Variants in TIMM23B observed in about 807,000 individuals in gnomAD.
TIMM23B encodes translocase of inner mitochondrial membrane 23 homolog B, also known as mitochondrial import inner membrane translocase subunit Tim23B.
In TIMM23B, 27 loss-of-function variants were observed where a neutral mutation model predicts 27.3. That is an observed-to-expected ratio of 0.99 (90% CI 0.73 to 1.36). TIMM23B has a LOEUF of 1.36. Ranked by LOEUF, TIMM23B falls within the 40% of genes most tolerant of loss-of-function variation. The pLI is 0.00. For missense variants in TIMM23B, 205 were observed against 244.2 expected, an observed-to-expected ratio of 0.84 and a Z score of 1.07; for synonymous variants, 73 against 92.4, an observed-to-expected ratio of 0.79 and a Z score of 1.21.
chr10:49,950,200 C>CTTTTTTTT (rs1169522720), intron 2 of TIMM23B, among the ~76,000 whole-genome samples: 1 of 117,984 alleles, frequency 8.5e-6, no homozygotes, highest in African/African-American at 3.1e-5. Context: ...AAAGTTTTTT[C>CTTTTTTTT]TTTTTTTTTT....
intron 6 of TIMM23B, among the ~76,000 whole-genome samples, chr10:49,966,014 C>T (rs1840131702): frequency 6.9e-6 from 1 of 145,336 alleles, no homozygotes. Flanking sequence ...ATGCCAGATG[C>T]AGTGGCGCAC....
intron 6 of TIMM23B, among the ~76,000 whole-genome samples, chr10:49,964,947 G>A (rs1346429304): frequency 6.6e-6 from 1 of 152,052 alleles, no homozygotes; most frequent in African/African-American, 2.4e-5. Context: ...AATACTGGGT[G>A]CAGTGGCTCA....
intron 6 of TIMM23B, among the ~76,000 whole-genome samples, chr10:49,959,223 A>C (rs1345411866): frequency 2.0e-5 from 3 of 152,096 alleles, no homozygotes; most frequent in Non-Finnish European, 2.9e-5. Context: ...TAGTTTTTTT[A>C]ATCTTGGACA....
rs4935235 is a variant in TIMM23B, at chr10:49,957,916, A to G, written c.404-454A>G. On this transcript the variant is annotated intron_variant, in intron 5 of 6. Transcript: ENST00000651259. Reference sequence around the variant, plus strand: ...AGATTCTCCTTGGCCTTTCTGTGCAACATTTCTTCTTCCTGGGTATGGGGT... The same window carrying G: ...AGATTCTCCTTGGCCTTTCTGTGCAGCATTTCTTCTTCCTGGGTATGGGGT... Among the ~76,000 whole-genome samples, 41 of 152,304 alleles carry G rather than the reference A, an allele frequency of 2.7e-4. 1 individual carries two copies. The South Asian group carries it at 7.9e-3, about 29-fold the overall frequency.
At chr10:49,947,057 A>G (rs1378748284) in intron 2 of TIMM23B, among the ~76,000 whole-genome samples, 2,660 of 152,328 alleles carry the variant, frequency 0.017, 78 homozygotes, top group African/African-American at 0.061. Context: ...CGTTAGGACA[A>G]CTGGAATCCA....
intron 5 of TIMM23B, among the ~76,000 whole-genome samples, chr10:49,955,694 G>T (rs1408251044): frequency 6.6e-6 from 1 of 152,148 alleles, no homozygotes. Flanking sequence ...TGTGAACTTA[G>T]TTGAAAATCT....
At chr10:49,958,528 G>A (rs1207046810) in intron 6 of TIMM23B, 48 bp downstream of exon 6, 88 of 1,581,506 alleles carry the variant, frequency 5.6e-5, no homozygotes, top group Middle Eastern at 1.7e-4. Context: ...CTTGAAGTGC[G>A]CTTTTTAAAA....
At chr10:49,951,920 T>G (rs1404000511) in intron 2 of TIMM23B, among the ~76,000 whole-genome samples, 1 of 152,248 alleles carries the variant, frequency 6.6e-6, no homozygotes, top group African/African-American at 2.4e-5. Flanking sequence ...TTAATGAGAC[T>G]CCCTTCTAAG....
At chr10:49,945,343 G>A (rs1236855964) in intron 2 of TIMM23B, among the ~76,000 whole-genome samples, 23 of 152,148 alleles carry the variant, frequency 1.5e-4, no homozygotes, top group South Asian at 4.1e-4. Flanking sequence ...AAAGTATTGG[G>A]ATGCCTAGTT....
rs1420471819 is a variant in TIMM23B, at chr10:49,948,684, A to G, written c.166-3442A>G. On this transcript the variant is annotated intron_variant, in intron 2 of 6. Transcript: ENST00000651259. ...GGCAAATATATGGACAAGAAAGTAG[A>G]TTAGTAGCTGCCAAGGGTTGGGAGT... 1.7e-4 allele frequency among the ~76,000 whole-genome samples: 26 copies of G among 152,364 alleles called. No individual in the cohort carries two copies. In the East Asian group the frequency reaches 5.0e-3, roughly 29 times the overall value.
rs1455426820 is a variant in TIMM23B at position 49,947,608 on chromosome 10, T to A, written c.165+2518T>A. On this transcript the variant is annotated intron_variant, in intron 2 of 6. Transcript: ENST00000651259. ...CTGGGCAACAGAGTAAGACTCGGTC[T>A]CAAAAATAAATAAATAAATAAATAA... Among the ~76,000 whole-genome samples, 9 of 148,978 alleles carry A rather than the reference T, an allele frequency of 6.0e-5. No individual in the cohort carries two copies. The East Asian group carries it at 1.8e-3, about 29-fold the overall frequency.
At chr10:49,954,409 G>A (rs1356265780) in intron 4 of TIMM23B, 11 of 317,594 alleles carry the variant, frequency 3.5e-5, no homozygotes, top group Non-Finnish European at 3.1e-5. Flanking sequence ...TCTGGGAGCA[G>A]ACACAGGGTG....
rs1411151607 is a variant in TIMM23B, at chr10:49,950,042, A to C, written c.166-2084A>C. ...TCACTAATGCTTTTGTATTGTCACT[A>C]CTCTTATATCCTCATTGAAACTTTT... is the stretch of plus-strand genomic sequence containing the variant. On this transcript the variant is annotated intron_variant, in intron 2 of 6. Transcript: ENST00000651259. Among the ~76,000 whole-genome samples, 11 of 151,686 alleles carry C rather than the reference A, an allele frequency of 7.3e-5. No individual in the cohort carries two copies. In the East Asian group the frequency reaches 9.6e-4, roughly 13 times the overall value.
At chr10:49,954,622 A>C (rs1295806587) in intron 4 of TIMM23B, among the ~76,000 whole-genome samples, 1 of 151,762 alleles carries the variant, frequency 6.6e-6, no homozygotes, top group South Asian at 2.1e-4. Flanking sequence ...CATTTTTTAC[A>C]TGGATTAGTT....
chr10:49,950,888 A>AT (rs1366249287), intron 2 of TIMM23B, among the ~76,000 whole-genome samples: 16 of 151,054 alleles, frequency 1.1e-4, no homozygotes, highest in Non-Finnish European at 1.6e-4. Flanking sequence ...TTGAAGGATA[A>AT]TTTTTTTTTT....
intron 6 of TIMM23B, among the ~76,000 whole-genome samples, chr10:49,959,560 C>T (rs1839829724): frequency 6.6e-6 from 1 of 152,160 alleles, no homozygotes; most frequent in South Asian, 2.1e-4. Flanking sequence ...AAATAATCCA[C>T]ATACGTGATT....
At chr10:49,943,131 A>C (rs2133039893) in intron 1 of TIMM23B, 1 of 152,330 alleles carries the variant, frequency 6.6e-6, no homozygotes, top group South Asian at 2.1e-4. Context: ...ACTCTAGTGC[A>C]AAAAAATATA....
intron 6 of TIMM23B, 134 bp from the exon 7 acceptor site, chr10:49,972,878 A>G: frequency 2.9e-6 from 2 of 699,708 alleles, no homozygotes; most frequent in Non-Finnish European, 4.9e-6. Flanking sequence ...AGAGACATGC[A>G]TGTTGTAAAT....
chr10:49,961,443 GCTGTTTGGTGGTTTCTTTCT>G (rs1269046927), intron 6 of TIMM23B, among the ~76,000 whole-genome samples: 18 of 151,590 alleles, frequency 1.2e-4, no homozygotes, highest in Non-Finnish European at 1.5e-4. Flanking sequence ...AAGACGGTTT[GCTGTTTGGTGGTTTCTTTCT>G]CTGTTTTGTT....
Sources: gnomAD v4.1 joint callset for allele counts (sites outside exome capture counted in the v4.1 genomes callset) on GRCh38, gnomAD v4.1.1 for gene constraint, MANE v1.5 for transcripts, NCBI Gene and HGNC (gene_info 2026-07-23, HGNC 2026-07-21) for gene names.